Variants in RASL12 observed in about 807,000 individuals in gnomAD.
RASL12 encodes the protein ras-like protein family member 12.
A neutral mutation model predicts 22.9 loss-of-function variants in RASL12; 16 were observed. The ratio of observed to expected loss-of-function variants is 0.70; its 90% CI spans 0.47 to 1.06. RASL12 has a LOEUF of 1.06. Ranked by LOEUF, RASL12 falls within the 50% of genes least tolerant of loss-of-function variation. RASL12 has a pLI of 0.00. For missense variants in RASL12, 306 were observed against 353.1 expected (o/e 0.87, Z 1.07); for synonymous variants, 159 against 152.2 (o/e 1.04, Z -0.33).
chr15:65,050,752 T>C (rs144293924), downstream of RASL12, among the ~76,000 whole-genome samples: 2 of 152,148 alleles, frequency 1.3e-5, no homozygotes, highest in Non-Finnish European at 2.9e-5. Flanking sequence ...AGTCACTTCA[T>C]GTATTATCTG....
intron 1 of RASL12, among the ~76,000 whole-genome samples, chr15:65,075,071 A>T (rs1405075136): frequency 1.3e-5 from 2 of 152,226 alleles, no homozygotes; most frequent in African/African-American, 4.8e-5. Context: ...CTTGCGGGCC[A>T]GCTGGAGTTC....
At chr15:65,065,636 GACAAGT>G (rs2086867164) in intron 1 of RASL12, among the ~76,000 whole-genome samples, 1 of 152,172 alleles carries the variant, frequency 6.6e-6, no homozygotes, top group Non-Finnish European at 1.5e-5. Context: ...GCCCACCCCG[GACAAGT>G]CACAGAGATT....
rs1232059131 is a variant in RASL12, at chr15:65,054,059, G to T, written c.*840C>A. 17 of 985,812 alleles carry T rather than the reference G, an allele frequency of 1.7e-5. No individual in the cohort carries two copies. Among genetic ancestry groups the T allele is most frequent in the Non-Finnish European group, 1.9e-5 (16 of 830,002 alleles). 61.1% of individuals were successfully genotyped at this position (985,812 alleles called of 1,614,324 possible). A position where few individuals can be genotyped will look rare whatever the true frequency, so the allele number is the denominator to read the frequency against. Reference sequence around the variant, plus strand: ...GGCAGGCCCTGTAGCCCCTGGATGGGTCTGATGCTGCTGTGGGCTCCCTGG... The same window carrying T: ...GGCAGGCCCTGTAGCCCCTGGATGGTTCTGATGCTGCTGTGGGCTCCCTGG... On this transcript the variant is annotated 3_prime_UTR_variant, in exon 5 of 5. Coordinates refer to ENST00000220062, the MANE Select transcript of RASL12 (RefSeq NM_016563.4).
downstream of RASL12, chr15:65,049,977 C>T: frequency 6.5e-7 from 1 of 1,536,366 alleles, no homozygotes; most frequent in Non-Finnish European, 8.8e-7. Context: ...CTAAGGACCT[C>T]GTTGCACACG....
chr15:65,073,796 A>G (rs2086947410), intron 1 of RASL12, among the ~76,000 whole-genome samples: 1 of 152,244 alleles, frequency 6.6e-6, no homozygotes. Context: ...GATAATATCC[A>G]TGGGGGGAGA....
rs537779720 is a variant in RASL12 at position 65,059,383 on chromosome 15, G to A, written c.196C>T (p.Gln66Ter). The change falls in exon 3 of 5, where the codon CAG becomes TAG. Residue 66 changes from glutamine to a stop codon, truncating the protein, a stop_gained. Coordinates refer to ENST00000220062, the MANE Select transcript of RASL12 (RefSeq NM_016563.4). LOFTEE classifies it high-confidence loss of function. Reference protein sequence around the residue: ...TYSSEETVDHQPVHLRVMDTA... With the variant: ...TYSSEETVDH ...TCCATGACCCTCAGGTGGACAGGCT[G>A]GTGGTCCACAGTCTCCTCGGAGCTG... The A allele has an allele frequency of 6.2e-7, 1 of 1,614,086 alleles. No individual in the cohort carries two copies. The highest frequency in any genetic ancestry group is 1.3e-5 in the African/African-American group (1 of 75,052).
At chr15:65,063,270 G>A (rs151281035) in intron 2 of RASL12, among the ~76,000 whole-genome samples, 32 of 152,060 alleles carry the variant, frequency 2.1e-4, no homozygotes, top group African/African-American at 6.8e-4. Flanking sequence ...GAATTAGGCC[G>A]AATATGTCTT....
upstream of RASL12, among the ~76,000 whole-genome samples, chr15:65,071,782 G>A (rs144862856): frequency 5.8e-4 from 89 of 152,148 alleles, no homozygotes; most frequent in East Asian, 0.015. Flanking sequence ...CTGTAGTCCC[G>A]GGACTATGCA....
downstream of RASL12, chr15:65,049,941 C>T (rs559217352): frequency 7.4e-7 from 1 of 1,347,262 alleles, no homozygotes; most frequent in East Asian, 2.6e-5. Context: ...CCGAGGAGGC[C>T]AGGAGGGCTG....
downstream of RASL12, among the ~76,000 whole-genome samples, chr15:65,048,981 G>T (rs1294010446): frequency 7.1e-6 from 1 of 139,864 alleles, no homozygotes; most frequent in Non-Finnish European, 1.5e-5. Flanking sequence ...CTGCACTCCA[G>T]CCTGGGCGAC....
chr15:65,068,457 T>C (rs1031615669), upstream of RASL12, among the ~76,000 whole-genome samples: 6 of 152,112 alleles, frequency 3.9e-5, no homozygotes, highest in African/African-American at 1.2e-4. The surrounding 1 kb of genome is among the most constrained non-coding windows in gnomAD (Gnocchi z 4.2). Context: ...GTGGAGACTC[T>C]AGAGGCCTCA....
At chr15:65,052,829 A>G, downstream of RASL12, 1 of 706,180 alleles carries the variant, frequency 1.4e-6, no homozygotes, top group Non-Finnish European at 2.4e-6. Context: ...GGAATATCCA[A>G]CCATTGCCGC....
chr15:65,071,406 C>T (rs1324547387), upstream of RASL12, among the ~76,000 whole-genome samples: 1 of 152,072 alleles, frequency 6.6e-6, no homozygotes, highest in Non-Finnish European at 1.5e-5. Context: ...CTCTCCAAAT[C>T]CCAGAGGGAC....
chr15:65,048,658 C>T (rs1235371082), downstream of RASL12, among the ~76,000 whole-genome samples: 2 of 152,188 alleles, frequency 1.3e-5, no homozygotes, highest in East Asian at 1.9e-4. Flanking sequence ...TTCCTACTCC[C>T]TTCCTCCTCC....
intron 1 of RASL12, among the ~76,000 whole-genome samples, chr15:65,066,559 A>G (rs2086881716): frequency 2.0e-5 from 3 of 152,106 alleles, no homozygotes; most frequent in Admixed American, 2.0e-4. Flanking sequence ...ATTCTTTCCT[A>G]GGATTCCTAA....
chr15:65,056,216 G>A (rs571708622), intron 4 of RASL12, among the ~76,000 whole-genome samples: 6 of 152,122 alleles, frequency 3.9e-5, no homozygotes, highest in Admixed American at 3.9e-4. Flanking sequence ...GCCCATTCCC[G>A]AGGATAATGG....
At chr15:65,061,024 G>A (rs1360337538) in intron 2 of RASL12, among the ~76,000 whole-genome samples, 1 of 152,232 alleles carries the variant, frequency 6.6e-6, no homozygotes, top group Non-Finnish European at 1.5e-5. Flanking sequence ...TTTCAGATCT[G>A]TCTTTATTTT....
chr15:65,051,567 A>G, downstream of RASL12: 1 of 1,613,430 alleles, frequency 6.2e-7, no homozygotes, highest in Non-Finnish European at 8.5e-7. Context: ...TGGTCATTAT[A>G]AGCATGGTCC....
At chr15:65,051,569 G>T, downstream of RASL12, 1 of 1,613,674 alleles carries the variant, frequency 6.2e-7, no homozygotes, top group Non-Finnish European at 8.5e-7. Context: ...GTCATTATAA[G>T]CATGGTCCTC....
Sources: gnomAD v4.1 joint callset for allele counts (sites outside exome capture counted in the v4.1 genomes callset) on GRCh38, gnomAD v4.1.1 for gene constraint, Gnocchi (gnomAD v3.1) non-coding constraint, MANE v1.5 for transcripts, NCBI Gene and HGNC (gene_info 2026-07-23, HGNC 2026-07-21) for gene names.